Variants in FDFT1 observed in about 807,000 individuals in gnomAD.
The protein encoded by FDFT1 is farnesyl-diphosphate farnesyltransferase 1.
A neutral mutation model predicts 46.8 loss-of-function variants in FDFT1; 68 were observed. The ratio of observed to expected loss-of-function variants is 1.45; its 90% confidence interval spans 1.19 to 1.78. FDFT1 has a LOEUF of 1.78. FDFT1 is among the 40% of genes most tolerant of loss of function. The pLI is 0.00. For synonymous variants in FDFT1, 351 were observed against 185.1 expected, an observed-to-expected ratio of 1.90 and a Z score of -7.28; for missense variants, 928 against 524.4, an observed-to-expected ratio of 1.77 and a Z score of -7.52.
chr8:11,808,144 T>G, intron 1 of FDFT1: 2 of 532,498 alleles, frequency 3.8e-6, no homozygotes, highest in Non-Finnish European at 4.9e-6. Context: ...GCAGGATTCT[T>G]GGTAAAACTG....
chr8:11,838,403 C>G lies in FDFT1; in HGVS notation c.1048C>G (p.Pro350Ala). 1 of 1,613,536 alleles carries G rather than the reference C, an allele frequency of 6.2e-7. No homozygotes were observed. Among genetic ancestry groups the G allele is most frequent in the South Asian group, 1.1e-5 (1 of 91,048 alleles). ...TCTTTAACAGATTTATCATAGAATC[C>G]CCGACTCAGACCCATCTTCTAGCAA... is the stretch of plus-strand genomic sequence containing the variant. ...QYMEEIYHRI[P>A]DSDPSSSKTR... The change falls in exon 8 of 8, where the codon CCC becomes GCC. Residue 350 changes from proline (P) to alanine (A), a missense_variant. Coordinates refer to ENST00000220584, the MANE Select transcript of FDFT1 (RefSeq NM_004462.5).
chr8:11,831,807 C>A (rs749600609), intron 7 of FDFT1, 137 bp downstream of exon 7: 128 of 752,074 alleles, frequency 1.7e-4, no homozygotes, highest in Non-Finnish European at 1.5e-4. Context: ...GAATTGATAT[C>A]CTTTATAAGG....
intron 7 of FDFT1, 71 bp from the exon 8 acceptor site, chr8:11,838,317 G>A: frequency 8.6e-7 from 1 of 1,166,112 alleles, no homozygotes; most frequent in South Asian, 1.3e-5. Context: ...TGCCAGTGGA[G>A]GGTTGTTGTA....
At chr8:11,833,861 G>A (rs939008162) in intron 7 of FDFT1, among the ~76,000 whole-genome samples, 2 of 152,248 alleles carry the variant, frequency 1.3e-5, no homozygotes, top group African/African-American at 2.4e-5. Flanking sequence ...CAAGGCATTA[G>A]GGGAGAAATG....
chr8:11,826,351 A>C, intron 5 of FDFT1, 136 bp downstream of exon 5: 1 of 586,340 alleles, frequency 1.7e-6, no homozygotes, highest in Non-Finnish European at 2.9e-6. Context: ...GGAAAATAGG[A>C]TAGCTTGACA....
At chr8:11,799,942 T>TA (rs1563285310), upstream of FDFT1, among the ~76,000 whole-genome samples, 100 of 100,170 alleles carry the variant, frequency 1.0e-3, no homozygotes, top group Admixed American at 3.0e-3. Flanking sequence ...GAGACTCCAT[T>TA]TAAAAAAAAA....
At chr8:11,809,008 AT>A in intron 2 of FDFT1, 117 bp downstream of exon 2, 1 of 1,457,172 alleles carries the variant, frequency 6.9e-7, no homozygotes, top group Non-Finnish European at 9.2e-7. Context: ...GCTGTGGCTT[AT>A]CCAGAACATA....
chr8:11,797,615 C>T (rs58165005), upstream of FDFT1, among the ~76,000 whole-genome samples: 753 of 128,062 alleles, frequency 5.9e-3, 6 homozygotes, highest in African/African-American at 0.019. Flanking sequence ...AACATAAGAC[C>T]CTGTCTGTCT....
Position 11,803,720 on chromosome 8 carries a change from C to G in FDFT1, c.99+789C>G, listed in dbSNP as rs546456890. The stretch of plus-strand genomic sequence containing the variant: ...CTTTTTTGGGCCAACAGGACAGTAG[C>G]AAATGTGACTCAGGCCGAGGCTTGA... On this transcript the variant is annotated intron_variant, in intron 1 of 7. Coordinates refer to ENST00000220584, the MANE Select transcript of FDFT1 (RefSeq NM_004462.5). 25 of 220,026 alleles carry G rather than the reference C, an allele frequency of 1.1e-4. 1 individual carries two copies. In the South Asian group the frequency reaches 1.4e-3, roughly 12 times the overall value. 13.6% of individuals were successfully genotyped at this position (220,026 alleles called of 1,614,324 possible).
At chr8:11,797,159 G>A (rs867572572) in intron 1 of FDFT1, among the ~76,000 whole-genome samples, 1 of 152,124 alleles carries the variant, frequency 6.6e-6, no homozygotes, top group South Asian at 2.1e-4. Context: ...CGGCTGCTTC[G>A]GCCCCTCCCT....
chr8:11,837,176 A>G (rs1213872988), intron 7 of FDFT1, among the ~76,000 whole-genome samples: 1 of 152,264 alleles, frequency 6.6e-6, no homozygotes, highest in Non-Finnish European at 1.5e-5. Context: ...TGAGACTGGA[A>G]CAGAGGTGTG....
chr8:11,798,289 A>G (rs1805768267), upstream of FDFT1: 2 of 152,284 alleles, frequency 1.3e-5, no homozygotes, highest in African/African-American at 4.8e-5. Context: ...CAAAGTCCTG[A>G]CCTCAAGTGA....
chr8:11,800,192 C>T (rs1399787006), upstream of FDFT1, among the ~76,000 whole-genome samples: 1 of 124,604 alleles, frequency 8.0e-6, no homozygotes, highest in African/African-American at 3.1e-5. Context: ...ACCCAGAAGG[C>T]AGAGGTGGCA....
At chr8:11,813,614 C>G (rs942694606) in intron 3 of FDFT1, among the ~76,000 whole-genome samples, 3 of 152,180 alleles carry the variant, frequency 2.0e-5, no homozygotes, top group Non-Finnish European at 2.9e-5. Flanking sequence ...ACTTTACTAC[C>G]TCTAAGGTTT....
intron 3 of FDFT1, among the ~76,000 whole-genome samples, 195 bp from the exon 4 acceptor site, chr8:11,821,555 C>T (rs796130224): frequency 2.0e-5 from 3 of 152,322 alleles, no homozygotes; most frequent in African/African-American, 7.2e-5. Flanking sequence ...CGTGCCATTG[C>T]ACTCCAGCCT....
intron 3 of FDFT1, among the ~76,000 whole-genome samples, chr8:11,816,568 T>G: frequency 6.6e-6 from 1 of 152,334 alleles, no homozygotes; most frequent in East Asian, 1.9e-4. Context: ...TAGTTCTCTT[T>G]GAAGAGGTCC....
At chr8:11,834,302 C>G (rs1563344052) in intron 7 of FDFT1, among the ~76,000 whole-genome samples, 1 of 152,212 alleles carries the variant, frequency 6.6e-6, no homozygotes, top group Non-Finnish European at 1.5e-5. Flanking sequence ...CTGCTTCAAA[C>G]CAGCCTGGAT....
At chr8:11,808,442 G>A (rs1807186518) in intron 1 of FDFT1, 4 of 1,269,566 alleles carry the variant, frequency 3.2e-6, no homozygotes, top group Non-Finnish European at 4.0e-6. Context: ...GGGCGAGCCC[G>A]TCCCGCCCCT....
chr8:11,802,919 C>A lies in FDFT1; in HGVS notation c.87C>A (p.Pro29=). The change falls in exon 1 of 8, where the codon CCC becomes CCA. Residue 29 remains proline (P), a synonymous_variant. Coordinates refer to ENST00000220584, the MANE Select transcript of FDFT1 (RefSeq NM_004462.5). ...FRIGGKRKVM[P]KMDQDSLSSS... is the part of the protein sequence containing the mutation. ...TCGGGGGCAAGCGGAAGGTGATGCC[C>A]AAGATGGACCAGGTGGGCCGAGCCT... The A allele has an allele frequency of 6.2e-7, 1 of 1,608,580 alleles. No homozygotes were observed. Among genetic ancestry groups the A allele is most frequent in the Non-Finnish European group, 8.5e-7 (1 of 1,177,514 alleles).
Sources: gnomAD v4.1 joint callset for allele counts (sites outside exome capture counted in the v4.1 genomes callset) on GRCh38, gnomAD v4.1.1 for gene constraint, MANE v1.5 for transcripts, NCBI Gene and HGNC (gene_info 2026-07-23, HGNC 2026-07-21) for gene names.